RARB: variants seen among roughly 807,000 people sequenced by gnomAD.
RARB encodes HBV-activated protein.
RARB carries 17 observed loss-of-function variants against 51.9 expected under a neutral mutation model. That is an observed-to-expected ratio of 0.33 (90% confidence interval 0.22 to 0.49). The LOEUF is 0.49. Ranked by LOEUF, RARB falls within the 20% of genes least tolerant of loss-of-function variation. The pLI is 0.99. For missense variants in RARB, 369 were observed against 550.8 expected, an observed-to-expected ratio of 0.67 and a Z score of 3.30; for synonymous variants, 215 against 195.4, an observed-to-expected ratio of 1.10 and a Z score of -0.84.
intron 5 of RARB, among the ~76,000 whole-genome samples, chr3:25,345,377 A>G (rs182419388): frequency 3.3e-5 from 5 of 152,276 alleles, no homozygotes; most frequent in Admixed American, 1.3e-4. Context: ...ACTATAAGCA[A>G]TTCATCTGGC....
chr3:25,264,203 G>T (rs774166115), intron 5 of RARB, among the ~76,000 whole-genome samples: 4 of 151,998 alleles, frequency 2.6e-5, no homozygotes, highest in Non-Finnish European at 5.9e-5. Flanking sequence ...CAAAGCTCTT[G>T]CTAAACTGTA....
intron 3 of RARB, among the ~76,000 whole-genome samples, chr3:25,130,137 C>T (rs1294857217): frequency 6.6e-6 from 1 of 151,980 alleles, no homozygotes; most frequent in Non-Finnish European, 1.5e-5. Flanking sequence ...ACATGACAGG[C>T]CTCTTTTATG....
chr3:25,013,070 A>T (rs1697431972), intron 2 of RARB, among the ~76,000 whole-genome samples: 2 of 152,232 alleles, frequency 1.3e-5, no homozygotes, highest in Admixed American at 6.6e-5. Flanking sequence ...GCGTGGACCC[A>T]CTGTAGTATT....
chr3:25,277,025 A>C (rs1703406372), intron 5 of RARB, among the ~76,000 whole-genome samples: 1 of 152,206 alleles, frequency 6.6e-6, no homozygotes, highest in African/African-American at 2.4e-5. Context: ...TGGATGATTA[A>C]AAGAAATAGG....
rs534747252 is a variant in RARB at position 25,393,141 on chromosome 3, G to A, written c.179-68052G>A. Reference sequence around the variant, plus strand: ...AAATGCTTTTTTCTGTGTCTATTGAGATGACCATGTCATTGTTGTTTTTAA... The same window carrying A: ...AAATGCTTTTTTCTGTGTCTATTGAAATGACCATGTCATTGTTGTTTTTAA... On this transcript the variant is annotated intron_variant, in intron 5 of 11. Coordinates refer to the RARB transcript ENST00000383772. 2.0e-5 allele frequency among the ~76,000 whole-genome samples: 3 copies of A among 152,208 alleles called. No individual in the cohort carries two copies. In the East Asian group the frequency reaches 5.8e-4, roughly 29 times the overall value.
At chr3:25,105,759 T>C (rs1172130675) in intron 3 of RARB, among the ~76,000 whole-genome samples, 1 of 152,210 alleles carries the variant, frequency 6.6e-6, no homozygotes, top group African/African-American at 2.4e-5. Context: ...AAATCACAAA[T>C]GCACATTTGA....
chr3:25,157,350 T>G (rs9637514), intron 4 of RARB, among the ~76,000 whole-genome samples: 19 of 145,088 alleles, frequency 1.3e-4, no homozygotes, highest in East Asian at 8.1e-4. Flanking sequence ...GTGTGTGTGT[T>G]TGTGTGTGTG....
intron 5 of RARB, among the ~76,000 whole-genome samples, chr3:25,400,079 T>C (rs1162010115): frequency 6.6e-6 from 1 of 152,206 alleles, no homozygotes; most frequent in African/African-American, 2.4e-5. Flanking sequence ...AAGCATTTAA[T>C]AATGCTACCC....
chr3:25,046,730 C>CA (rs1698225158), intron 2 of RARB, among the ~76,000 whole-genome samples: 1 of 152,220 alleles, frequency 6.6e-6, no homozygotes, highest in Non-Finnish European at 1.5e-5. Flanking sequence ...GCTGGCATTA[C>CA]AGGCATGAAC....
intron 2 of RARB, among the ~76,000 whole-genome samples, chr3:25,471,305 A>G (rs1333810741): frequency 6.6e-6 from 1 of 152,220 alleles, no homozygotes; most frequent in Non-Finnish European, 1.5e-5. Context: ...CTGGAATGAT[A>G]TACTGACGTG....
At chr3:25,460,635 A>C (rs1243192247) in intron 1 of RARB, among the ~76,000 whole-genome samples, 1 of 151,940 alleles carries the variant, frequency 6.6e-6, no homozygotes. Flanking sequence ...TTTAGTAGAG[A>C]TGGGGTTTCA....
chr3:25,361,423 A>T (rs1051822282), intron 5 of RARB, among the ~76,000 whole-genome samples: 2 of 152,220 alleles, frequency 1.3e-5, no homozygotes, highest in African/African-American at 2.4e-5. Context: ...TTGGATTAGA[A>T]CATGCTCCTG....
intron 2 of RARB, among the ~76,000 whole-genome samples, chr3:25,000,924 G>T (rs1447848001): frequency 6.6e-6 from 1 of 152,156 alleles, no homozygotes; most frequent in Non-Finnish European, 1.5e-5. Flanking sequence ...TCTCAGTTAT[G>T]TGTAGTTTTC....
chr3:25,543,789 C>T (rs1023086337), intron 3 of RARB, among the ~76,000 whole-genome samples: 1 of 152,142 alleles, frequency 6.6e-6, no homozygotes, highest in Non-Finnish European at 1.5e-5. Context: ...ATTGGAAATG[C>T]AAAAGTAACC....
At chr3:25,223,818 G>T (rs1575232628) in intron 5 of RARB, among the ~76,000 whole-genome samples, 1 of 152,104 alleles carries the variant, frequency 6.6e-6, no homozygotes, top group African/African-American at 2.4e-5. Context: ...TCTATTTTTA[G>T]CACTATCACC....
chr3:25,124,632 C>A (rs1349803393), intron 3 of RARB, among the ~76,000 whole-genome samples: 1 of 152,198 alleles, frequency 6.6e-6, no homozygotes, highest in Admixed American at 6.5e-5. Context: ...CTAAATATTT[C>A]TTCAAACCTT....
At chr3:25,095,550 G>A (rs1251341390) in intron 3 of RARB, among the ~76,000 whole-genome samples, 3 of 152,160 alleles carry the variant, frequency 2.0e-5, no homozygotes, top group Non-Finnish European at 4.4e-5. Flanking sequence ...GTGACCAGCT[G>A]TCTGCTATTT....
chr3:25,072,105 C>T (rs558674993), intron 3 of RARB, among the ~76,000 whole-genome samples: 2 of 152,276 alleles, frequency 1.3e-5, no homozygotes, highest in East Asian at 1.9e-4. Context: ...TAGAAGGCTG[C>T]GTGATGATAG....
chr3:25,048,911 C>T (rs1698271332), intron 2 of RARB, among the ~76,000 whole-genome samples: 1 of 152,040 alleles, frequency 6.6e-6, no homozygotes, highest in African/African-American at 2.4e-5. Flanking sequence ...CGCCACTGTG[C>T]CCGGCTAACT....
Sources: allele counts gnomAD v4.1 joint callset (sites outside exome capture counted in the v4.1 genomes callset), GRCh38; gene constraint gnomAD v4.1.1; transcripts MANE v1.5; gene names NCBI Gene and HGNC (gene_info 2026-07-23, HGNC 2026-07-21).